Variants in RIN2 observed in about 807,000 individuals in gnomAD.
RIN2 encodes the protein RAB5 interacting protein 2.
Under a neutral mutation model 78.0 loss-of-function variants are expected in RIN2, and 36 were observed. The observed-to-expected ratio is 0.46, with a 90% CI of 0.35 to 0.61. RIN2 has a LOEUF of 0.61. Among genes scored for constraint, RIN2 ranks in the 20% least tolerant of loss-of-function variants. The pLI is 0.00. For missense variants in RIN2, 1,087 were observed against 1,159.7 expected (o/e 0.94, Z 0.91); for synonymous variants, 466 against 466.8 (o/e 1.00, Z 0.02).
intron 12 of RIN2, among the ~76,000 whole-genome samples, chr20:19,997,368 G>A (rs1040438219): frequency 6.6e-6 from 1 of 152,170 alleles, no homozygotes; most frequent in Non-Finnish European, 1.5e-5. Flanking sequence ...CAGGTTCCCT[G>A]GCCAGGGCTT....
chr20:19,878,090 A>G (rs1245957544), intron 2 of RIN2, among the ~76,000 whole-genome samples: 1 of 152,144 alleles, frequency 6.6e-6, no homozygotes, highest in African/African-American at 2.4e-5. Context: ...CTGCCACCCA[A>G]TAGTCCCCTA....
At chr20:19,990,934 T>C (rs2042780189) in intron 10 of RIN2, among the ~76,000 whole-genome samples, 1 of 152,100 alleles carries the variant, frequency 6.6e-6, no homozygotes, top group Admixed American at 6.6e-5. Flanking sequence ...CACCGAAGAG[T>C]TACAATCTTG....
intron 1 of RIN2, among the ~76,000 whole-genome samples, chr20:19,792,071 G>A (rs1210447294): frequency 1.3e-5 from 2 of 152,196 alleles, no homozygotes; most frequent in East Asian, 1.9e-4. Context: ...CATGGCCAGA[G>A]CAGTTGACAA....
chr20:19,855,357 C>T lies in RIN2; in HGVS notation c.-36-34209C>T, dbSNP rs143178417. Reference sequence around the variant, plus strand: ...CTAAAATTCACTTTTTTTGTTGTGTCTCTGTCAGGCTTTGGTATCAGGATG... The same window carrying T: ...CTAAAATTCACTTTTTTTGTTGTGTTTCTGTCAGGCTTTGGTATCAGGATG... On this transcript the variant is annotated intron_variant, in intron 2 of 12. Transcript: ENST00000255006. 8.5e-3 allele frequency among the ~76,000 whole-genome samples: 1,287 copies of T among 152,100 alleles called. 13 individuals carry two copies. The highest frequency in any genetic ancestry group is 0.013 in the Non-Finnish European group (886 of 67,990).
At chr20:19,959,993 C>T (rs1485774344) in intron 5 of RIN2, among the ~76,000 whole-genome samples, 1 of 152,134 alleles carries the variant, frequency 6.6e-6, no homozygotes, top group East Asian at 1.9e-4. Flanking sequence ...ATATTAGGAT[C>T]TTGAGGGAAC....
In RIN2 at chr20:19,927,516, G is replaced by A. The variant is rs551479804; in HGVS notation, c.58-7583G>A. Among the ~76,000 whole-genome samples the A allele has an allele frequency of 1.2e-3, 175 of 152,152 alleles. 1 individual carries two copies. Among genetic ancestry groups the A allele is most frequent in the African/African-American group, 4.0e-3 (168 of 41,516 alleles). On this transcript the variant is annotated intron_variant, in intron 3 of 12. Coordinates refer to ENST00000255006, the MANE Select transcript of RIN2 (RefSeq NM_018993.4). ...TGCAACCTCTGTCTCCCAGGTTCAA[G>A]TAATTCTCTTGCCTCAGCCTCCTGA... is the stretch of plus-strand genomic sequence containing the variant.
At chr20:19,926,979 T>C (rs2040250524) in intron 3 of RIN2, among the ~76,000 whole-genome samples, 1 of 152,232 alleles carries the variant, frequency 6.6e-6, no homozygotes, top group South Asian at 2.1e-4. Flanking sequence ...TGCAGCTTCC[T>C]ATGCATGCAA....
At chr20:19,795,735 A>G (rs980494081) in intron 1 of RIN2, among the ~76,000 whole-genome samples, 1 of 152,112 alleles carries the variant, frequency 6.6e-6, no homozygotes, top group Non-Finnish European at 1.5e-5. Flanking sequence ...ATGTCCTAGA[A>G]TGCTAAAACT....
chr20:19,766,337 T>C (rs1448410761), intron 1 of RIN2, among the ~76,000 whole-genome samples: 1 of 152,120 alleles, frequency 6.6e-6, no homozygotes, highest in Non-Finnish European at 1.5e-5. Flanking sequence ...CCTACTACAC[T>C]TTAGTATCAG....
chr20:19,923,781 T>C (rs2040031039), intron 3 of RIN2, among the ~76,000 whole-genome samples: 1 of 152,088 alleles, frequency 6.6e-6, no homozygotes. Context: ...CTACATACTG[T>C]TATTTGAGGT....
At chr20:19,900,940 T>TGTCTC (rs1487400171) in intron 3 of RIN2, among the ~76,000 whole-genome samples, 177 of 115,480 alleles carry the variant, frequency 1.5e-3, no homozygotes, top group Non-Finnish European at 2.5e-3. Flanking sequence ...ACAAGAGCTC[T>TGTCTC]GTCTCAAAAA....
chr20:19,844,611 T>G lies in RIN2; in HGVS notation c.-37+44864T>G, dbSNP rs1327443923. On this transcript the variant is annotated intron_variant, in intron 2 of 12. Transcript: ENST00000255006. ...TGCTGCTGCTTCTTCCTCTTCTTCT[T>G]CTTCTTCTTCTTCTTCTTCTTCTTC... Among the ~76,000 whole-genome samples the G allele has an allele frequency of 1.5e-3, 75 of 49,392 alleles. 1 individual carries two copies. Among genetic ancestry groups the G allele is most frequent in the African/African-American group, 5.3e-3 (71 of 13,450 alleles). The allele number at this position is 49,392 out of a possible 152,430, so 32.4% of individuals were successfully genotyped here.
intron 1 of RIN2, among the ~76,000 whole-genome samples, chr20:19,769,709 G>A (rs1399380387): frequency 3.3e-5 from 5 of 152,226 alleles, no homozygotes; most frequent in Admixed American, 3.3e-4. Context: ...TGAGCATGCA[G>A]CAGCTGGAGT....
At chr20:19,968,471 ATGTGCATGTG>A (rs1031690117) in intron 7 of RIN2, among the ~76,000 whole-genome samples, 1 of 152,060 alleles carries the variant, frequency 6.6e-6, no homozygotes, top group African/African-American at 2.4e-5. Flanking sequence ...GTGTGCATGC[ATGTGCATGTG>A]TGTGTGCATG....
chr20:19,797,859 C>CT (rs750371451), intron 1 of RIN2, among the ~76,000 whole-genome samples: 1,740 of 128,072 alleles, frequency 0.014, 28 homozygotes, highest in South Asian at 0.023. Flanking sequence ...TCTACTTAAT[C>CT]TTTTTTTTTT....
intron 2 of RIN2, among the ~76,000 whole-genome samples, chr20:19,882,621 G>A (rs950498990): frequency 4.6e-5 from 7 of 152,088 alleles, no homozygotes; most frequent in African/African-American, 9.7e-5. Context: ...TGTGGATTAC[G>A]GGCTGAGGTG....
chr20:19,848,534 C>CAAAAAA (rs11352724), intron 2 of RIN2, among the ~76,000 whole-genome samples: 37 of 52,820 alleles, frequency 7.0e-4, no homozygotes, highest in African/African-American at 1.9e-3. Context: ...GACTCCATCT[C>CAAAAAA]AAAAAAAAAA....
intron 3 of RIN2, among the ~76,000 whole-genome samples, chr20:19,932,576 A>C (rs1056206834): frequency 2.0e-5 from 3 of 152,278 alleles, no homozygotes; most frequent in African/African-American, 7.2e-5. Flanking sequence ...TACTGCAGTC[A>C]CAGGCACCGA....
rs748883133 is a variant in RIN2, at chr20:19,996,756, C to A, written c.2278C>A (p.Leu760Ile). 1 of 1,613,560 alleles carries A rather than the reference C, an allele frequency of 6.2e-7. No individual in the cohort carries two copies. Among genetic ancestry groups the A allele is most frequent in the Admixed American group, 1.7e-5 (1 of 59,968 alleles). ...CCAAGAAGAACAAGCAGCGCGACTG[C>A]TCAGCTCAGAAACCAGAGACACCCT... Reference protein sequence around the residue: ...NFQEEQAARLLSSETRDTLRQ... With the variant: ...NFQEEQAARLISSETRDTLRQ... The change falls in exon 12 of 13, where the codon CTC becomes ATC. Residue 760 changes from leucine (L) to isoleucine (I), a missense_variant. Coordinates refer to ENST00000255006, the MANE Select transcript of RIN2 (RefSeq NM_018993.4).
Sources: allele counts gnomAD v4.1 joint callset (sites outside exome capture counted in the v4.1 genomes callset), GRCh38; gene constraint gnomAD v4.1.1; transcripts MANE v1.5; gene names NCBI Gene and HGNC (gene_info 2026-07-23, HGNC 2026-07-21).